The following HR variants were observed in gnomAD, a reference collection of about 807,000 sequenced individuals.
HR encodes the protein lysine-specific demethylase hairless.
A neutral mutation model predicts 128.6 loss-of-function variants in HR; 83 were observed. The ratio of observed to expected loss-of-function variants is 0.65; its 90% CI spans 0.54 to 0.77. The LOEUF (loss-of-function observed/expected upper bound fraction) is 0.77, where lower values mean the gene tolerates loss of function less well. HR is among the 30% of genes least tolerant of loss of function. HR has a pLI of 0.00. For missense variants in HR, 1,490 were observed against 1,574.6 expected (o/e 0.95, Z 0.91); for synonymous variants, 681 against 658.2 (o/e 1.03, Z -0.53).
In HR at chr8:22,127,272, C is replaced by G. The variant is rs1356117640; in HGVS notation, c.1170G>C (p.Gln390His). The G allele has an allele frequency of 1.9e-6, 3 of 1,613,212 alleles. No homozygotes were observed. The highest frequency in any genetic ancestry group is 2.2e-5 in the East Asian group (1 of 44,872). Reference sequence around the variant, plus strand: ...CAGGGCAGCCGCGTGGACATTCAAACTGCTCCGAGTGCCGTGTGAGCCATG... The same window carrying G: ...CAGGGCAGCCGCGTGGACATTCAAAGTGCTCCGAGTGCCGTGTGAGCCATG... The part of the protein sequence containing the change: ...KKTWLTRHSE[Q>H]FECPRGCPEV... The change falls in exon 3 of 19, where the codon CAG (glutamine) becomes CAC (histidine). Residue 390 changes from glutamine (Q) to histidine (H), a missense_variant. This residue lies in a region of HR where 1,060 missense variants were observed against 1,060.9 expected (regional missense o/e 1.00). Transcript: ENST00000381418.
At position 22,125,501 on chromosome 8, in the gene HR, C is replaced by T. The variant is rs777173520; in HGVS notation, c.1560G>A (p.Ser520=). 10 of 1,613,348 alleles carry T rather than the reference C, an allele frequency of 6.2e-6. No homozygotes were observed. Among genetic ancestry groups the T allele is most frequent in the African/African-American group, 2.7e-5 (2 of 75,066 alleles). The change falls in exon 5 of 19, where the codon TCG becomes TCA. Residue 520 remains serine (S), a synonymous_variant. Coordinates refer to ENST00000381418, the MANE Select transcript of HR (RefSeq NM_005144.5). ...HACHSQQVRR[S]PLGGELQQEE... ...CCTGCTGCAGCTCCCCTCCCAGAGG[C>T]GATCTGGAGAGAGGGCAGGGGGAGG...
Position 22,116,913 on chromosome 8 carries a change from CG to C in HR, c.3339del (p.Gly1114GlufsTer18). 1.3e-6 allele frequency: 2 copies of C among 1,561,336 alleles called. No individual in the cohort carries two copies. The highest frequency in any genetic ancestry group is 8.6e-7 in the Non-Finnish European group (1 of 1,158,614). On this transcript the variant is annotated frameshift_variant, in exon 17 of 19. Transcript: ENST00000381418. LOFTEE classifies it high-confidence loss of function. The surrounding 1 kb of genome is among the most constrained non-coding windows in gnomAD (Gnocchi z 4.2). ...GVSCWTLLQA[P>X]GEAVLVPAGA... ...CCTGCAGGCACCAGCACGGCCTCTC[CG>C]GGGGCCTGGAGCAGGGTCCAGCAGC... is the stretch of plus-strand genomic sequence containing the variant.
At chr8:22,117,171 G>C in intron 16 of HR, 132 bp from the exon 17 acceptor site, 1 of 936,614 alleles carries the variant, frequency 1.1e-6, no homozygotes, top group Non-Finnish European at 1.5e-6. Context: ...GGGCAGGCAG[G>C]GAGGGCATGG....
At chr8:22,129,362 C>G (rs765643155) in intron 1 of HR, among the ~76,000 whole-genome samples, 152 bp from the exon 2 acceptor site, 1 of 152,246 alleles carries the variant, frequency 6.6e-6, no homozygotes, top group African/African-American at 2.4e-5. Flanking sequence ...TGCTGCCTCT[C>G]CACATGCAGC....
At chr8:22,120,541 A>C in intron 11 of HR, 34 bp from the exon 12 acceptor site, 1 of 1,612,416 alleles carries the variant, frequency 6.2e-7, no homozygotes, top group Non-Finnish European at 8.5e-7. Flanking sequence ...CATGAGGAGA[A>C]TGGCCAGGGT....
chr8:22,128,693 G>A lies in HR; in HGVS notation c.478C>T (p.Pro160Ser), dbSNP rs1300661442. 1.3e-6 allele frequency: 2 copies of A among 1,583,724 alleles called. No homozygotes were observed. The highest frequency in any genetic ancestry group is 2.3e-5 in the South Asian group (2 of 87,496). Residue 160 changes from proline to serine, a missense_variant, in exon 2 of 19, where the codon CCC becomes TCC. Physicochemically the swap from Pro to Ser is moderately conservative, Grantham distance 74. Around this residue, in one of 3 missense-constraint regions of HR, gnomAD observed 1,060 missense variants for 1,060.9 expected, o/e 1.00. Transcript: ENST00000381418. ...KILERAPFWVPTCLPPYLVSG... is the reference protein window; with the variant it reads ...KILERAPFWVSTCLPPYLVSG... ...ACTAGGTAGGGTGGCAAGCAGGTGGGCACCCAGAAGGGAGCTCGCTCCAGG... is the reference window on the plus strand; with the variant it reads ...ACTAGGTAGGGTGGCAAGCAGGTGGACACCCAGAAGGGAGCTCGCTCCAGG...
intron 9 of HR, 57 bp downstream of exon 9, chr8:22,121,556 C>A: frequency 6.3e-7 from 1 of 1,588,822 alleles, no homozygotes; most frequent in Admixed American, 1.7e-5. Context: ...CCTCCTGCCT[C>A]AAACTCTGGC....
At position 22,124,470 on chromosome 8, in the gene HR, A is replaced by G. The variant is rs557545347; in HGVS notation, c.1751-657T>C. ...GGTGGAAAAGGTGTCGCTGAGTACA[A>G]TTCAACGAACGCCTTGCCTTTGGGT... is the stretch of plus-strand genomic sequence containing the variant. On this transcript the variant is annotated intron_variant, in intron 5 of 18. Transcript: ENST00000381418. 2.8e-3 allele frequency among the ~76,000 whole-genome samples: 419 copies of G among 152,348 alleles called. 1 individual carries two copies. The highest frequency in any genetic ancestry group is 6.8e-3 in the Middle Eastern group (2 of 294).
At chr8:22,118,587 G>A (rs1279229707) in intron 16 of HR, 4 of 310,878 alleles carry the variant, frequency 1.3e-5, no homozygotes, top group South Asian at 3.8e-5. Context: ...ACTGAGCTTC[G>A]GTGTTCTCAT....
chr8:22,116,354 C>G lies in HR; in HGVS notation c.3453G>C (p.Gln1151His). 1 of 1,613,216 alleles carries G rather than the reference C, an allele frequency of 6.2e-7. No homozygotes were observed. Among genetic ancestry groups the G allele is most frequent in the Non-Finnish European group, 8.5e-7 (1 of 1,179,938 alleles). ...GAAGGCTGGGTCCCTGGTGGCAGAG[C>G]TGAGCAGAGAGGGCAGAGGTCTCAG... ...LSPETSALSA[Q>H]LCHQGPSLPP... The change falls in exon 18 of 19, where the codon CAG (glutamine) becomes CAC (histidine). Residue 1151 changes from glutamine (Q) to histidine (H), a missense_variant. Gln to His is a conservative substitution (Grantham distance 24). This residue lies in a region of HR where 423 missense variants were observed against 495.9 expected (regional missense o/e 0.85). Transcript: ENST00000381418. This position sits in a 1 kb window ranked among gnomAD's most constrained non-coding sequence, Gnocchi z 4.2.
chr8:22,115,318 G>A lies in HR; in HGVS notation c.*382C>T, dbSNP rs1826559230. ...GAGCTGGGGCAGTAGAGTGGGCTCA[G>A]CGGGAGTGAGCAGCAGGAGGAGGTG... is the stretch of plus-strand genomic sequence containing the variant. On this transcript the variant is annotated 3_prime_UTR_variant, in exon 19 of 19. Transcript: ENST00000381418. 7 of 366,436 alleles carry A rather than the reference G, an allele frequency of 1.9e-5. No homozygotes were observed. In the Admixed American group the frequency reaches 2.3e-4, roughly 12 times the overall value. 22.7% of individuals were successfully genotyped at this position (366,436 alleles called of 1,614,324 possible). A position where few individuals can be genotyped will look rare whatever the true frequency, so the allele number is the denominator to read the frequency against.
At position 22,122,882 on chromosome 8, in the gene HR, G is replaced by C. The variant is rs1354051446; in HGVS notation, c.1916-3C>G. The C allele has an allele frequency of 6.4e-7, 1 of 1,551,580 alleles. No individual in the cohort carries two copies. The highest frequency in any genetic ancestry group is 2.0e-5 in the Admixed American group (1 of 51,136). Reference sequence around the variant, plus strand: ...CTCCGCGGACTGCTCCTGAAAGCCTGTGGGGCAGGAAGGGAAAAGCTGCAG... The same window carrying C: ...CTCCGCGGACTGCTCCTGAAAGCCTCTGGGGCAGGAAGGGAAAAGCTGCAG... On this transcript the variant is annotated splice_polypyrimidine_tract_variant and splice_region_variant and intron_variant, in intron 6 of 18. Coordinates refer to ENST00000381418, the MANE Select transcript of HR (RefSeq NM_005144.5).
rs1247669265 is a variant in HR, at chr8:22,119,891, C to T, written c.2847-1G>A. ...CAGACTGGCAGCTAGGTTCTCCACC[C>T]TGTCAGGGTAGGGGGTCATGCCCAG... On this transcript the variant is annotated splice_acceptor_variant, in intron 13 of 18. Coordinates refer to ENST00000381418, the MANE Select transcript of HR (RefSeq NM_005144.5). LOFTEE classifies it high-confidence loss of function. The T allele has an allele frequency of 6.2e-7, 1 of 1,613,424 alleles. No individual in the cohort carries two copies. Among genetic ancestry groups the T allele is most frequent in the Non-Finnish European group, 8.5e-7 (1 of 1,180,002 alleles).
chr8:22,117,225 A>C, intron 16 of HR, 186 bp from the exon 17 acceptor site: 1 of 585,796 alleles, frequency 1.7e-6, no homozygotes, highest in Non-Finnish European at 2.9e-6. Flanking sequence ...GGCAGAACAC[A>C]CATTTGGCTG....
chr8:22,117,193 T>C (rs1826614904), intron 16 of HR, 154 bp from the exon 17 acceptor site: 2 of 733,166 alleles, frequency 2.7e-6, no homozygotes, highest in African/African-American at 3.6e-5. Flanking sequence ...TGAGTTTGTT[T>C]GGGGCTGGGG....
chr8:22,127,483 G>A lies in HR; in HGVS notation c.959C>T (p.Pro320Leu). The A allele has an allele frequency of 6.2e-7, 1 of 1,611,430 alleles. No homozygotes were observed. ...TGAACAGCAGCCCCGCTGGGTGACA[G>A]GCGGCTCAGGAGAGGGGCACCTTGG... ...ATPRCPSPEPPVTQRGCCSSY... is the reference protein window; with the variant it reads ...ATPRCPSPEPLVTQRGCCSSY... The change falls in exon 3 of 19, where the codon CCT becomes CTT. Residue 320 changes from proline to leucine, a missense_variant. This residue lies in a region of HR where 1,060 missense variants were observed against 1,060.9 expected (regional missense o/e 1.00). Transcript: ENST00000381418.
Position 22,119,818 on chromosome 8 carries a change from G to C in HR, c.2919C>G (p.Ser973=). The C allele has an allele frequency of 6.2e-7, 1 of 1,613,856 alleles. No homozygotes were observed. The highest frequency in any genetic ancestry group is 8.5e-7 in the Non-Finnish European group (1 of 1,179,998). ...CALHGKLNLA[S]YLPPGLALRP... is the part of the protein sequence containing the mutation. ...GCAGGGCAAGGCCCGGTGGGAGGTA[G>C]GAAGCCAGGTTGAGTTTTCCATGGA... The change falls in exon 14 of 19, where the codon TCC becomes TCG. Residue 973 remains serine (S), a synonymous_variant. Transcript: ENST00000381418.
chr8:22,124,877 G>A (rs1036327892), intron 5 of HR, among the ~76,000 whole-genome samples: 3 of 152,150 alleles, frequency 2.0e-5, no homozygotes, highest in Non-Finnish European at 4.4e-5. Context: ...AAGGGGCCTG[G>A]CCTGTCTGGG....
Position 22,122,846 on chromosome 8 carries a change from T to C in HR, c.1949A>G (p.Gln650Arg), listed in dbSNP as rs1481513740. The C allele has an allele frequency of 1.3e-6, 2 of 1,555,618 alleles. No individual in the cohort carries two copies. The highest frequency in any genetic ancestry group is 1.4e-5 in the African/African-American group (1 of 73,250). ...GGAACAGGCAGCGTGCCCGGCCTCC[T>C]GCGTGCACTCCTCCGCGGACTGCTC... Reference protein sequence around the residue: ...FQEQSAEECTQEAGHAACSLM... With the variant: ...FQEQSAEECTREAGHAACSLM... The change falls in exon 7 of 19, where the codon CAG becomes CGG. Residue 650 changes from glutamine (Q) to arginine (R), a missense_variant. Gln to Arg is a conservative substitution (Grantham distance 43, BLOSUM62 1). Transcript: ENST00000381418.
Sources: gnomAD v4.1 joint callset for allele counts (sites outside exome capture counted in the v4.1 genomes callset) on GRCh38, gnomAD v4.1.1 for gene constraint, gnomAD v4.1.1 regional missense constraint, Gnocchi (gnomAD v3.1) non-coding constraint, MANE v1.5 for transcripts, NCBI Gene and HGNC (gene_info 2026-07-23, HGNC 2026-07-21) for gene names.